KCNQ1: variants seen among roughly 807,000 people sequenced by gnomAD.
The protein encoded by KCNQ1 is potassium voltage-gated channel subfamily KQT member 1.
Under a neutral mutation model 72.4 loss-of-function variants are expected in KCNQ1, and 49 were observed. The ratio of observed to expected loss-of-function variants is 0.68; its 90% CI spans 0.54 to 0.86. The LOEUF is 0.86. KCNQ1 is among the 40% of genes least tolerant of loss of function. The pLI is 0.00. For synonymous variants in KCNQ1, 450 were observed against 412.6 expected (o/e 1.09, Z -1.10); for missense variants, 790 against 945.1 (o/e 0.84, Z 2.15).
chr11:2,570,527 C>A, intron 2 of KCNQ1, 101 bp from the exon 3 acceptor site: 1 of 1,517,680 alleles, frequency 6.6e-7, no homozygotes, highest in Non-Finnish European at 9.0e-7. Flanking sequence ...GGGTGTCCTT[C>A]AGCGGAGGCT....
At chr11:2,792,952 G>A (rs1002574922) in intron 15 of KCNQ1, among the ~76,000 whole-genome samples, 15 of 61,414 alleles carry the variant, frequency 2.4e-4, no homozygotes, top group South Asian at 1.2e-3. Context: ...TCTCTTCCCC[G>A]CCCCCCGGGA....
rs992158067 is a variant in KCNQ1, at chr11:2,828,532, A to G, written c.1795-19235A>G. On this transcript the variant is annotated intron_variant, in intron 15 of 15. Coordinates refer to ENST00000155840, the MANE Select transcript of KCNQ1 (RefSeq NM_000218.3). The surrounding 1 kb of genome is among the most constrained non-coding windows in gnomAD (Gnocchi z 5.3). Reference sequence around the variant, plus strand: ...AGGGTAGACACCAAGCCCTGCAGGAAGAAGAGCCACCAAGAATGAGGCAGT... The same window carrying G: ...AGGGTAGACACCAAGCCCTGCAGGAGGAAGAGCCACCAAGAATGAGGCAGT... Among the ~76,000 whole-genome samples, 5 of 152,184 alleles carry G rather than the reference A, an allele frequency of 3.3e-5. No individual in the cohort carries two copies. Among genetic ancestry groups the G allele is most frequent in the South Asian group, 2.1e-4 (1 of 4,828 alleles).
At chr11:2,522,962 C>T (rs918978065) in intron 1 of KCNQ1, among the ~76,000 whole-genome samples, 3 of 152,238 alleles carry the variant, frequency 2.0e-5, no homozygotes, top group Non-Finnish European at 2.9e-5. Context: ...CCGCAACGCC[C>T]AGTCAAGAAT....
In KCNQ1 at chr11:2,776,116, G is replaced by A. The variant is rs943594049; in HGVS notation, c.1685+62G>A. On this transcript the variant is annotated intron_variant, in intron 13 of 15. Coordinates refer to ENST00000155840, the MANE Select transcript of KCNQ1 (RefSeq NM_000218.3). ...GGTCCTGCCCAGCCCGGCCCCAGCTGCATGATCAGCGGTGCCGGAGGAGGG... is the reference window on the plus strand; with the variant it reads ...GGTCCTGCCCAGCCCGGCCCCAGCTACATGATCAGCGGTGCCGGAGGAGGG... 5.0e-6 allele frequency: 7 copies of A among 1,390,336 alleles called. No individual in the cohort carries two copies. The South Asian group carries it at 8.8e-5, about 17-fold the overall frequency. The allele number at this position is 1,390,336 out of a possible 1,614,324, so 86.1% of individuals were successfully genotyped here. A position where few individuals can be genotyped will look rare whatever the true frequency, so the allele number is the denominator to read the frequency against.
intron 10 of KCNQ1, chr11:2,633,464 G>T (rs752533846): frequency 8.0e-5 from 32 of 398,368 alleles, no homozygotes; most frequent in Non-Finnish European, 1.4e-4. Context: ...ATCCTGAAGG[G>T]TTTCCCTTCT....
rs1849275533 is a variant in KCNQ1, at chr11:2,627,235, T to C, written c.1394-34726T>C. ...TTAAAAGTGCATATATTTAAGAACA[T>C]ATTTGACCTACTGTGAAATGATTAC... On this transcript the variant is annotated intron_variant, in intron 10 of 15. Transcript: ENST00000155840. This position sits in a 1 kb window ranked among gnomAD's most constrained non-coding sequence, Gnocchi z 4.9. The C allele has an allele frequency of 1.0e-5, 4 of 398,582 alleles. No homozygotes were observed. The highest frequency in any genetic ancestry group is 6.3e-4 in the Middle Eastern group (1 of 1,588). The allele number at this position is 398,582 out of a possible 1,614,324, so 24.7% of individuals were successfully genotyped here.
In KCNQ1 at chr11:2,478,161, G is replaced by A. The variant is rs182951636; in HGVS notation, c.386+32677G>A. On this transcript the variant is annotated intron_variant, in intron 1 of 15. Coordinates refer to ENST00000155840, the MANE Select transcript of KCNQ1 (RefSeq NM_000218.3). This position sits in a 1 kb window ranked among gnomAD's most constrained non-coding sequence, Gnocchi z 4.0. Reference sequence around the variant, plus strand: ...ACAGCTGTCCAGGGTCGAATCATCCGGAGACACAGGGCAAACCCACATGGA... The same window carrying A: ...ACAGCTGTCCAGGGTCGAATCATCCAGAGACACAGGGCAAACCCACATGGA... 1.0e-3 allele frequency among the ~76,000 whole-genome samples: 155 copies of A among 152,278 alleles called. 1 individual carries two copies. Among genetic ancestry groups the A allele is most frequent in the South Asian group, 7.7e-3 (37 of 4,820 alleles).
Position 2,598,437 on chromosome 11 carries a change from A to G in KCNQ1, c.1393+9583A>G, listed in dbSNP as rs1848760435. 6.6e-6 allele frequency among the ~76,000 whole-genome samples: 1 copy of G among 152,202 alleles called. No individual in the cohort carries two copies. The highest frequency in any genetic ancestry group is 1.5e-5 in the Non-Finnish European group (1 of 68,038). On this transcript the variant is annotated intron_variant, in intron 10 of 15. Transcript: ENST00000155840. This position sits in a 1 kb window ranked among gnomAD's most constrained non-coding sequence, Gnocchi z 6.2. ...ATGAAGATTTTCTTTGTCTCCAAGT[A>G]TGAAAATAACATCATTATTTTTGTA...
rs969142426 is a variant in KCNQ1, at chr11:2,698,080, G to A, written c.1514+35999G>A. The A allele has an allele frequency of 1.5e-5, 6 of 398,512 alleles. No individual in the cohort carries two copies. The highest frequency in any genetic ancestry group is 1.3e-4 in the South Asian group (1 of 7,864). 24.7% of individuals were successfully genotyped at this position (398,512 alleles called of 1,614,324 possible). On this transcript the variant is annotated intron_variant, in intron 11 of 15. Transcript: ENST00000155840. The surrounding 1 kb of genome is among the most constrained non-coding windows in gnomAD (Gnocchi z 5.1). The stretch of plus-strand genomic sequence containing the variant: ...ATCCTGCCTGCCTGCTTTCCTTCAA[G>A]TACTGACTGAGTAAGGCTGTGTATC...
At chr11:2,597,218 C>T (rs1848745620) in intron 10 of KCNQ1, among the ~76,000 whole-genome samples, 1 of 152,126 alleles carries the variant, frequency 6.6e-6, no homozygotes, top group Non-Finnish European at 1.5e-5. Flanking sequence ...TGGAAACTCT[C>T]AGTCTCAGTC....
chr11:2,778,456 C>CG (rs1307768298), intron 15 of KCNQ1, among the ~76,000 whole-genome samples: 1 of 152,314 alleles, frequency 6.6e-6, no homozygotes, highest in East Asian at 1.9e-4. Context: ...CACTTGGGGC[C>CG]GGCCGAGGGC....
intron 10 of KCNQ1, chr11:2,618,853 T>G (rs1849116165): frequency 1.5e-5 from 6 of 398,224 alleles, no homozygotes; most frequent in South Asian, 1.3e-4. Context: ...GTTTAATTTC[T>G]TTCATCAATG....
Position 2,690,281 on chromosome 11 carries a change from G to A in KCNQ1, c.1514+28200G>A, listed in dbSNP as rs1850567353. 2 of 398,620 alleles carry A rather than the reference G, an allele frequency of 5.0e-6. No homozygotes were observed. Among genetic ancestry groups the A allele is most frequent in the East Asian group, 3.6e-5 (1 of 28,096 alleles). The allele number at this position is 398,620 out of a possible 1,614,324, so 24.7% of individuals were successfully genotyped here. A position where few individuals can be genotyped will look rare whatever the true frequency, so the allele number is the denominator to read the frequency against. ...CTCCTTGCTGCATCTGCACATATGT[G>A]TAGTGTCTTCCTCCCTGTAGGATTG... On this transcript the variant is annotated intron_variant, in intron 11 of 15. Transcript: ENST00000155840. The surrounding 1 kb of genome is among the most constrained non-coding windows in gnomAD (Gnocchi z 5.1).
In KCNQ1 at chr11:2,645,555, G is replaced by A. The variant is rs1442166361; in HGVS notation, c.1394-16406G>A. Reference sequence around the variant, plus strand: ...GAAGTTGAGTGGGATTGCTTTCAGTGGCAGCAGCTATAAACAGGCAGTTGG... The same window carrying A: ...GAAGTTGAGTGGGATTGCTTTCAGTAGCAGCAGCTATAAACAGGCAGTTGG... On this transcript the variant is annotated intron_variant, in intron 10 of 15. Coordinates refer to ENST00000155840, the MANE Select transcript of KCNQ1 (RefSeq NM_000218.3). The surrounding 1 kb of genome is among the most constrained non-coding windows in gnomAD (Gnocchi z 5.8). The A allele has an allele frequency of 2.5e-6, 1 of 398,762 alleles. No homozygotes were observed. 24.7% of individuals were successfully genotyped at this position (398,762 alleles called of 1,614,324 possible).
Position 2,447,862 on chromosome 11 carries a change from C to T in KCNQ1, c.386+2378C>T, listed in dbSNP as rs1044956882. Among the ~76,000 whole-genome samples, 6 of 152,180 alleles carry T rather than the reference C, an allele frequency of 3.9e-5. No homozygotes were observed. The highest frequency in any genetic ancestry group is 7.4e-5 in the Non-Finnish European group (5 of 68,000). On this transcript the variant is annotated intron_variant, in intron 1 of 15. Coordinates refer to ENST00000155840, the MANE Select transcript of KCNQ1 (RefSeq NM_000218.3). This position sits in a 1 kb window ranked among gnomAD's most constrained non-coding sequence, Gnocchi z 7.6. ...ACCCTACAGGGCTAGGGCGAACTCT[C>T]CTGTGTGCGCCTGGGGAAGCCAGCC...
At chr11:2,646,524 T>C (rs974454617) in intron 10 of KCNQ1, 1 of 398,518 alleles carries the variant, frequency 2.5e-6, no homozygotes, top group Non-Finnish European at 4.4e-6. Flanking sequence ...TACTGATTTT[T>C]TGGGGGAGGC....
At chr11:2,590,749 G>C (rs1356399488) in intron 10 of KCNQ1, among the ~76,000 whole-genome samples, 1 of 152,194 alleles carries the variant, frequency 6.6e-6, no homozygotes, top group Non-Finnish European at 1.5e-5. Flanking sequence ...TGGAGGGCCT[G>C]CTCCCCACTC....
rs192073911 is a variant in KCNQ1 at position 2,614,280 on chromosome 11, G to A, written c.1393+25426G>A. 2.3e-5 allele frequency: 9 copies of A among 398,556 alleles called. No homozygotes were observed. In the Admixed American group the frequency reaches 4.0e-4, roughly 18 times the overall value. 24.7% of individuals were successfully genotyped at this position (398,556 alleles called of 1,614,324 possible). On this transcript the variant is annotated intron_variant, in intron 10 of 15. Transcript: ENST00000155840. Reference sequence around the variant, plus strand: ...ATTTCTGACATGTGTTCTCCATGTTGACATTTAATATAGAGTCTTCTTTTT... The same window carrying A: ...ATTTCTGACATGTGTTCTCCATGTTAACATTTAATATAGAGTCTTCTTTTT...
chr11:2,655,770 C>G (rs231345), intron 10 of KCNQ1: 41,627 of 395,980 alleles, frequency 0.11, 2,427 homozygotes, highest in Middle Eastern at 0.16. Context: ...CAGCTCTGGT[C>G]ACTGCCTCCC....
Sources: gnomAD v4.1 joint callset for allele counts (sites outside exome capture counted in the v4.1 genomes callset) on GRCh38, gnomAD v4.1.1 for gene constraint, Gnocchi (gnomAD v3.1) non-coding constraint, MANE v1.5 for transcripts, NCBI Gene and HGNC (gene_info 2026-07-23, HGNC 2026-07-21) for gene names.